Variants in EMID1 observed in about 807,000 individuals in gnomAD.
EMID1 encodes the protein EMI domain containing 1.
A neutral mutation model predicts 60.6 loss-of-function variants in EMID1; 40 were observed. The ratio of observed to expected loss-of-function variants is 0.66; its 90% confidence interval spans 0.51 to 0.86. EMID1 has a LOEUF of 0.86. Among genes scored for constraint, EMID1 ranks in the 40% least tolerant of loss-of-function variants. EMID1 has a pLI of 0.00. For synonymous variants in EMID1, 242 were observed against 231.0 expected, an observed-to-expected ratio of 1.05 and a Z score of -0.43; for missense variants, 585 against 597.1, an observed-to-expected ratio of 0.98 and a Z score of 0.21.
chr22:29,224,323 G>A (rs530908215), intron 3 of EMID1, among the ~76,000 whole-genome samples: 1 of 152,344 alleles, frequency 6.6e-6, no homozygotes, highest in East Asian at 1.9e-4. Flanking sequence ...AGGCCTGGGG[G>A]GCTGAGGGGG....
chr22:29,235,331 A>C (rs546552727), intron 12 of EMID1, among the ~76,000 whole-genome samples: 1 of 143,240 alleles, frequency 7.0e-6, no homozygotes, highest in Non-Finnish European at 1.5e-5. Flanking sequence ...CTGGGCAATA[A>C]GAGTGAGACT....
At chr22:29,231,711 T>C in intron 7 of EMID1, 29 bp downstream of exon 7, 1 of 1,434,112 alleles carries the variant, frequency 7.0e-7, no homozygotes, top group Non-Finnish European at 9.2e-7. Context: ...GCCCCACAGC[T>C]CCTCTGGCCA....
Position 29,255,202 on chromosome 22 carries a change from C to T in EMID1, c.1204+915C>T, listed in dbSNP as rs183666486. ...GCTGGCAGTGCCCTCCCACCCTCCC[C>T]GCTTGGCTCCCCAGCCCAGCCCTCG... On this transcript the variant is annotated intron_variant, in intron 14 of 14. Transcript: ENST00000334018. 860 of 734,590 alleles carry T rather than the reference C, an allele frequency of 1.2e-3. 10 individuals are homozygous for T. The African/African-American group carries it at 0.014, about 12-fold the overall frequency. The allele number at this position is 734,590 out of a possible 1,614,324, so 45.5% of individuals were successfully genotyped here.
At chr22:29,212,039 G>T (rs2039905675) in intron 1 of EMID1, among the ~76,000 whole-genome samples, 1 of 152,120 alleles carries the variant, frequency 6.6e-6, no homozygotes. Context: ...AGGCTGGAGT[G>T]CAGTGGCACG....
intron 8 of EMID1, 64 bp downstream of exon 8, chr22:29,232,466 G>T: frequency 6.9e-7 from 1 of 1,451,376 alleles, no homozygotes; most frequent in Admixed American, 2.7e-5. Flanking sequence ...CACAGTGCCC[G>T]CTACCATCTG....
chr22:29,220,263 C>T (rs1336874040), intron 3 of EMID1, among the ~76,000 whole-genome samples: 1 of 152,228 alleles, frequency 6.6e-6, no homozygotes, highest in East Asian at 1.9e-4. Flanking sequence ...GCCACCATTA[C>T]TCCCACATCC....
In EMID1 at chr22:29,255,359, C is replaced by T. The variant is rs775721393; in HGVS notation, c.1204+1072C>T. 4.7e-5 allele frequency: 70 copies of T among 1,478,962 alleles called. 1 individual carries two copies. The South Asian group carries it at 7.1e-4, about 15-fold the overall frequency. The allele number at this position is 1,478,962 out of a possible 1,614,324, so 91.6% of individuals were successfully genotyped here. A position where few individuals can be genotyped will look rare whatever the true frequency, so the allele number is the denominator to read the frequency against. ...ACCCTCCTGGAAGCCATCATCTGGC[C>T]AGGTAATGGCAGGGCGGGCAGGCAG... On this transcript the variant is annotated intron_variant, in intron 14 of 14. Coordinates refer to ENST00000334018, the MANE Select transcript of EMID1 (RefSeq NM_133455.4).
chr22:29,221,904 C>A (rs901906780), intron 3 of EMID1, among the ~76,000 whole-genome samples: 3 of 151,990 alleles, frequency 2.0e-5, no homozygotes, highest in Non-Finnish European at 4.4e-5. Context: ...AAACTCTTTT[C>A]TTTTTTTAAT....
intron 1 of EMID1, among the ~76,000 whole-genome samples, chr22:29,206,564 G>A (rs1417573653): frequency 6.6e-6 from 1 of 152,110 alleles, no homozygotes; most frequent in East Asian, 1.9e-4. Context: ...TTGTACCCAG[G>A]CTATTTATCT....
chr22:29,255,805 G>A (rs563742455), intron 14 of EMID1, among the ~76,000 whole-genome samples: 1 of 152,302 alleles, frequency 6.6e-6, no homozygotes, highest in South Asian at 2.1e-4. Flanking sequence ...AAGACTTGAA[G>A]GGCAAGGATC....
chr22:29,256,900 A>G (rs2041726865), intron 14 of EMID1, among the ~76,000 whole-genome samples: 1 of 152,128 alleles, frequency 6.6e-6, no homozygotes, highest in East Asian at 1.9e-4. Context: ...ACAGTGCCAC[A>G]TGCTTCTCTA....
At position 29,231,686 on chromosome 22, in the gene EMID1, A is replaced by G; in HGVS notation, c.676+4A>G. ...ATGGGGATGAGAGGCCCACCAGGTG[A>G]GTGCCCGCAATGCTGCCCCACAGCT... On this transcript the variant is annotated splice_donor_region_variant and intron_variant, in intron 7 of 14. Transcript: ENST00000334018. The G allele has an allele frequency of 6.9e-7, 1 of 1,455,910 alleles. No homozygotes were observed. The highest frequency in any genetic ancestry group is 9.1e-7 in the Non-Finnish European group (1 of 1,099,992). The allele number at this position is 1,455,910 out of a possible 1,614,324, so 90.2% of individuals were successfully genotyped here.
At chr22:29,232,134 C>T (rs375635218) in intron 7 of EMID1, 122 bp from the exon 8 acceptor site, 4 of 1,123,880 alleles carry the variant, frequency 3.6e-6, no homozygotes, top group African/African-American at 3.1e-5. Flanking sequence ...GCAGCCTAGG[C>T]CTGTGGACTC....
In EMID1 at chr22:29,225,123, C is replaced by T; in HGVS notation, c.320-10C>T. ...ACATGCCAGCAGGGCTCTCACCCTC[C>T]ATCCCTTAGTTGCAGCTTCCTCTGC... On this transcript the variant is annotated splice_polypyrimidine_tract_variant and intron_variant, in intron 3 of 14. Transcript: ENST00000334018. 6.2e-7 allele frequency: 1 copy of T among 1,613,490 alleles called. No individual in the cohort carries two copies. Among genetic ancestry groups the T allele is most frequent in the Non-Finnish European group, 8.5e-7 (1 of 1,179,734 alleles).
At chr22:29,242,498 C>T (rs1188741007) in intron 12 of EMID1, among the ~76,000 whole-genome samples, 3 of 152,080 alleles carry the variant, frequency 2.0e-5, no homozygotes, top group East Asian at 1.9e-4. Context: ...ACATATAGGT[C>T]GGCTGTGGAT....
chr22:29,230,962 A>T (rs1240358291), intron 5 of EMID1, 58 bp from the exon 6 acceptor site: 1 of 1,556,246 alleles, frequency 6.4e-7, no homozygotes, highest in Admixed American at 2.0e-5. Context: ...CTCAAAAAAA[A>T]TAGGGAGGGG....
intron 12 of EMID1, among the ~76,000 whole-genome samples, chr22:29,234,734 T>A (rs2040880199): frequency 6.6e-6 from 1 of 152,252 alleles, no homozygotes; most frequent in African/African-American, 2.4e-5. Context: ...GTCTCCTTGG[T>A]CATTTTATCT....
At chr22:29,244,544 C>T (rs551425812) in intron 13 of EMID1, among the ~76,000 whole-genome samples, 2 of 151,738 alleles carry the variant, frequency 1.3e-5, no homozygotes, top group South Asian at 4.2e-4. Flanking sequence ...GAGGCTGAGG[C>T]AGGGGAATCG....
At chr22:29,241,793 A>AT (rs34030930) in intron 12 of EMID1, among the ~76,000 whole-genome samples, 59,623 of 151,268 alleles carry the variant, frequency 0.39, 13,095 homozygotes, top group Middle Eastern at 0.53. Flanking sequence ...TTCCCCAAAC[A>AT]TTTTTTTCTG....
Sources: gnomAD v4.1 joint callset for allele counts (sites outside exome capture counted in the v4.1 genomes callset) on GRCh38, gnomAD v4.1.1 for gene constraint, MANE v1.5 for transcripts, NCBI Gene and HGNC (gene_info 2026-07-23, HGNC 2026-07-21) for gene names.